Variants in SRGN observed in about 807,000 individuals in gnomAD.
SRGN encodes serglycin.
Under a neutral mutation model 9.5 loss-of-function variants are expected in SRGN, and 2 were observed. The observed-to-expected ratio is 0.21, with a 90% CI of 0.09 to 0.66. The LOEUF (loss-of-function observed/expected upper bound fraction) is 0.66, where lower values mean the gene tolerates loss of function less well. Among genes scored for constraint, SRGN ranks in the 30% least tolerant of loss-of-function variants. The pLI is 0.83. For missense variants in SRGN, 170 were observed against 192.4 expected, an observed-to-expected ratio of 0.88 and a Z score of 0.69; for synonymous variants, 59 against 72.3, an observed-to-expected ratio of 0.82 and a Z score of 0.93.
At chr10:69,101,097 C>T (rs1840281645) in intron 2 of SRGN, among the ~76,000 whole-genome samples, 1 of 151,550 alleles carries the variant, frequency 6.6e-6, no homozygotes, top group African/African-American at 2.4e-5. Context: ...ATTCTCCTGC[C>T]TCAGCCTCCA....
At chr10:69,097,316 A>T (rs979311237) in intron 2 of SRGN, 85 bp downstream of exon 2, 13 of 1,183,330 alleles carry the variant, frequency 1.1e-5, no homozygotes, top group Admixed American at 6.1e-5. Flanking sequence ...GCTGGAGTGC[A>T]ATGGCGCAAT....
intron 1 of SRGN, among the ~76,000 whole-genome samples, chr10:69,094,189 G>A (rs1207459485): frequency 2.0e-5 from 3 of 152,190 alleles, no homozygotes; most frequent in Admixed American, 2.0e-4. Flanking sequence ...GACATTGAAA[G>A]GTCATTTTGC....
intron 2 of SRGN, among the ~76,000 whole-genome samples, chr10:69,099,475 A>AT (rs1378014842): frequency 6.6e-6 from 1 of 151,174 alleles, no homozygotes; most frequent in South Asian, 2.1e-4. Context: ...AATTAAAAAA[A>AT]TTTTTTTTTG....
intron 1 of SRGN, among the ~76,000 whole-genome samples, chr10:69,092,192 T>C (rs1840078025): frequency 6.6e-6 from 1 of 152,096 alleles, no homozygotes; most frequent in South Asian, 2.1e-4. Context: ...AACATTTCTA[T>C]CCATGAGCAT....
At chr10:69,101,396 A>G (rs1011545820) in intron 2 of SRGN, among the ~76,000 whole-genome samples, 53 of 152,014 alleles carry the variant, frequency 3.5e-4, no homozygotes, top group Non-Finnish European at 7.4e-4. Flanking sequence ...TCCTGATTGG[A>G]CCCTGGCTGT....
Position 69,096,815 on chromosome 10 carries a change from A to C in SRGN, c.80-269A>C, listed in dbSNP as rs116855122. Among the ~76,000 whole-genome samples the C allele has an allele frequency of 7.0e-3, 1,066 of 152,068 alleles. 5 individuals carry two copies. The highest frequency in any genetic ancestry group is 0.011 in the Non-Finnish European group (776 of 67,978). The stretch of plus-strand genomic sequence containing the variant: ...CATAGTGAGACCCCCATCTCTCCAA[A>C]AAACAAACAAACAAACAAAAACAAA... On this transcript the variant is annotated intron_variant, in intron 1 of 2. Coordinates refer to ENST00000242465, the MANE Select transcript of SRGN (RefSeq NM_002727.4).
At chr10:69,090,525 G>A (rs1473960008) in intron 1 of SRGN, among the ~76,000 whole-genome samples, 1 of 152,128 alleles carries the variant, frequency 6.6e-6, no homozygotes, top group Non-Finnish European at 1.5e-5. Flanking sequence ...TATAGATGGC[G>A]CCTTCTCCCT....
In SRGN at chr10:69,103,984, C is replaced by A. The variant is rs149209475; in HGVS notation, c.341C>A (p.Thr114Lys). The A allele has an allele frequency of 1.2e-6, 2 of 1,614,136 alleles. No individual in the cohort carries two copies. Among genetic ancestry groups the A allele is most frequent in the South Asian group, 2.2e-5 (2 of 91,086 alleles). The change falls in exon 3 of 3, where the codon ACG becomes AAG. Residue 114 changes from threonine (T) to lysine (K), a missense_variant. Transcript: ENST00000242465. ...SGSGSGSGFL[T>K]EMEQDYQLVD... is the part of the protein sequence containing the mutation. ...TCAGGATCTGGGAGTGGCTTCCTAA[C>A]GGAAATGGAACAGGATTACCAACTA...
chr10:69,089,766 C>G (rs1167708076), intron 1 of SRGN, among the ~76,000 whole-genome samples: 1 of 151,964 alleles, frequency 6.6e-6, no homozygotes, highest in Admixed American at 6.6e-5. Flanking sequence ...CATGGTGGCA[C>G]ACACCTGTCA....
rs1177012248 is a variant in SRGN at position 69,091,879 on chromosome 10, C to CAAAAAAAAAAAA, written c.79+3661_79+3672dup. 5.6e-3 allele frequency among the ~76,000 whole-genome samples: 177 copies of CAAAAAAAAAAAA among 31,732 alleles called. 12 individuals are homozygous for CAAAAAAAAAAAA. Among genetic ancestry groups the CAAAAAAAAAAAA allele is most frequent in the Non-Finnish European group, 6.1e-3 (130 of 21,252 alleles). The allele number at this position is 31,732 out of a possible 152,430, so 20.8% of individuals were successfully genotyped here. A position where few individuals can be genotyped will look rare whatever the true frequency, so the allele number is the denominator to read the frequency against. The stretch of plus-strand genomic sequence containing the variant: ...TGGGCGATAGACTGAGACTCTGTCT[C>CAAAAAAAAAAAA]AAAAAAAAAAAAAAAAAAAAAAAAA... On this transcript the variant is annotated intron_variant, in intron 1 of 2. Transcript: ENST00000242465.
intron 1 of SRGN, 65 bp downstream of exon 1, chr10:69,088,301 T>C: frequency 7.5e-7 from 1 of 1,340,314 alleles, no homozygotes; most frequent in Non-Finnish European, 1.1e-6. Context: ...ATGCAAGTCA[T>C]TATATTCATT....
chr10:69,093,442 G>A (rs1840107151), intron 1 of SRGN, among the ~76,000 whole-genome samples: 1 of 152,182 alleles, frequency 6.6e-6, no homozygotes, highest in African/African-American at 2.4e-5. Context: ...ATTGGACAAA[G>A]TTGGTCTAGA....
intron 1 of SRGN, 89 bp downstream of exon 1, chr10:69,088,325 T>C (rs1839981231): frequency 9.0e-7 from 1 of 1,114,834 alleles, no homozygotes; most frequent in Admixed American, 2.0e-5. Flanking sequence ...AGGCATAGAA[T>C]GTATAATATT....
chr10:69,103,711 T>C (rs1222571191), intron 2 of SRGN, among the ~76,000 whole-genome samples, 160 bp from the exon 3 acceptor site: 2 of 152,220 alleles, frequency 1.3e-5, no homozygotes, highest in African/African-American at 4.8e-5. Flanking sequence ...TGTTTTTTTG[T>C]TGATTTTAAA....
intron 1 of SRGN, among the ~76,000 whole-genome samples, chr10:69,095,030 G>A (rs943740235): frequency 4.6e-5 from 7 of 151,662 alleles, no homozygotes; most frequent in African/African-American, 4.8e-5. Context: ...ACTTTCGGCC[G>A]GGTGTGGTGG....
chr10:69,100,862 T>C (rs1840275487), intron 2 of SRGN, among the ~76,000 whole-genome samples: 3 of 152,160 alleles, frequency 2.0e-5, no homozygotes, highest in Admixed American at 6.6e-5. Context: ...TGGGCAGGAC[T>C]CTGTTTTGCC....
chr10:69,091,761 T>C (rs1840059979), intron 1 of SRGN, among the ~76,000 whole-genome samples: 1 of 150,880 alleles, frequency 6.6e-6, no homozygotes, highest in Non-Finnish European at 1.5e-5. Context: ...GCACCTGTAA[T>C]CCCAGCTACT....
intron 2 of SRGN, chr10:69,098,686 C>T (rs1357270422): frequency 6.6e-6 from 1 of 151,026 alleles, no homozygotes; most frequent in South Asian, 2.1e-4. Context: ...TGGCCAGGTG[C>T]AGAGGCTCAT....
At chr10:69,099,604 GCTGGTGACTTTCTCCATCA>G (rs1189067176) in intron 2 of SRGN, among the ~76,000 whole-genome samples, 4 of 151,942 alleles carry the variant, frequency 2.6e-5, no homozygotes, top group African/African-American at 7.3e-5. Context: ...CATTCCCAGC[GCTGGTGACTTTCTCCATCA>G]CTGGTGACTT....
Sources: gnomAD v4.1 joint callset for allele counts (sites outside exome capture counted in the v4.1 genomes callset) on GRCh38, gnomAD v4.1.1 for gene constraint, MANE v1.5 for transcripts, NCBI Gene and HGNC (gene_info 2026-07-23, HGNC 2026-07-21) for gene names.